GALNT10: variants seen among roughly 807,000 people sequenced by gnomAD.
GALNT10 encodes the protein polypeptide N-acetylgalactosaminyltransferase 10.
In GALNT10, 41 loss-of-function variants were observed where a neutral mutation model predicts 75.0. The observed-to-expected ratio is 0.55, with a 90% CI of 0.43 to 0.71. GALNT10 has a LOEUF of 0.71. Among genes scored for constraint, GALNT10 ranks in the 30% least tolerant of loss-of-function variants. The probability of loss-of-function intolerance (pLI) is 0.00; values close to 1 mark genes in which losing one functional copy is unlikely to be tolerated. For synonymous variants in GALNT10, 302 were observed against 313.0 expected (o/e 0.96, Z 0.37); for missense variants, 727 against 818.5 (o/e 0.89, Z 1.36).
At chr5:154,389,852 G>A (rs1755866787) in intron 7 of GALNT10, among the ~76,000 whole-genome samples, 1 of 151,742 alleles carries the variant, frequency 6.6e-6, no homozygotes, top group African/African-American at 2.4e-5. Flanking sequence ...CTGTATTACT[G>A]TATAGAATCT....
chr5:154,366,604 A>T (rs1019424277), intron 4 of GALNT10, among the ~76,000 whole-genome samples: 13 of 152,282 alleles, frequency 8.5e-5, no homozygotes, highest in Middle Eastern at 3.4e-3. Context: ...GCCCATAGAT[A>T]CCAAAAGCTC....
At chr5:154,290,258 A>ATTTTTTTTTTTTTTT (rs71577131) in intron 1 of GALNT10, among the ~76,000 whole-genome samples, 148 of 98,892 alleles carry the variant, frequency 1.5e-3, no homozygotes, top group Non-Finnish European at 1.9e-3. Context: ...CACTCAGCTA[A>ATTTTTTTTTTTTTTT]TTTTTTTTTT....
At chr5:154,302,131 C>A (rs1435873453) in intron 3 of GALNT10, among the ~76,000 whole-genome samples, 1 of 152,274 alleles carries the variant, frequency 6.6e-6, no homozygotes, top group African/African-American at 2.4e-5. Context: ...GAGCCGCTCA[C>A]TCCATTCAGT....
chr5:154,295,805 T>G (rs1754263844), intron 2 of GALNT10, among the ~76,000 whole-genome samples: 1 of 152,192 alleles, frequency 6.6e-6, no homozygotes, highest in South Asian at 2.1e-4. Flanking sequence ...CCTCAGGATG[T>G]TATTGTGAGG....
intron 1 of GALNT10, among the ~76,000 whole-genome samples, chr5:154,192,526 T>A (rs1327019593): frequency 1.3e-5 from 2 of 152,258 alleles, no homozygotes; most frequent in African/African-American, 2.4e-5. Context: ...ACCACTAACT[T>A]ACTGTGTGTG....
intron 1 of GALNT10, among the ~76,000 whole-genome samples, chr5:154,215,868 T>C (rs1200469219): frequency 6.6e-6 from 1 of 152,244 alleles, no homozygotes; most frequent in Non-Finnish European, 1.5e-5. Context: ...GAAGGAGGAC[T>C]TGGCAGGGCC....
chr5:154,260,805 G>A (rs1476163100), intron 1 of GALNT10, among the ~76,000 whole-genome samples: 3 of 152,138 alleles, frequency 2.0e-5, no homozygotes, highest in African/African-American at 4.8e-5. Flanking sequence ...GCTTCTTCAC[G>A]TGAGTCAATG....
At chr5:154,398,055 A>G (rs1756084035) in intron 7 of GALNT10, among the ~76,000 whole-genome samples, 1 of 152,282 alleles carries the variant, frequency 6.6e-6, no homozygotes, top group South Asian at 2.1e-4. Flanking sequence ...CAAAGCAGCA[A>G]TGAAAATGAA....
At chr5:154,191,907 G>A (rs781367456) in intron 1 of GALNT10, among the ~76,000 whole-genome samples, 27 of 152,316 alleles carry the variant, frequency 1.8e-4, no homozygotes, top group Non-Finnish European at 3.1e-4. Flanking sequence ...ACTTACCCAC[G>A]TATGTTTGTG....
intron 1 of GALNT10, among the ~76,000 whole-genome samples, chr5:154,293,625 C>CTTTTTTTTTTTTTTTTTTTTTT (rs1320287927): frequency 1.3e-4 from 17 of 128,144 alleles, no homozygotes; most frequent in Non-Finnish European, 2.2e-4. Flanking sequence ...TTTTTTTTTC[C>CTTTTTTTTTTTTTTTTTTTTTT]TTTCAGCCAT....
intron 1 of GALNT10, among the ~76,000 whole-genome samples, chr5:154,226,197 A>G (rs1753062502): frequency 6.6e-6 from 1 of 152,192 alleles, no homozygotes; most frequent in African/African-American, 2.4e-5. Flanking sequence ...TTAATTTTTT[A>G]TAGCTAATAC....
chr5:154,324,551 A>C (rs1754726037), intron 3 of GALNT10, among the ~76,000 whole-genome samples: 1 of 152,124 alleles, frequency 6.6e-6, no homozygotes, highest in African/African-American at 2.4e-5. Flanking sequence ...AACAATTTTC[A>C]CCTCAAGATC....
At chr5:154,195,930 G>GA (rs1554093042) in intron 1 of GALNT10, among the ~76,000 whole-genome samples, 1 of 150,318 alleles carries the variant, frequency 6.7e-6, no homozygotes, top group Non-Finnish European at 1.5e-5. Flanking sequence ...TTTTGTTTTT[G>GA]TTTTTTTTTG....
intron 1 of GALNT10, among the ~76,000 whole-genome samples, chr5:154,215,753 G>A (rs1752860888): frequency 6.6e-6 from 1 of 152,196 alleles, no homozygotes; most frequent in Non-Finnish European, 1.5e-5. Context: ...CTGCAGGTAT[G>A]TTAGCCAGTC....
chr5:154,392,360 G>C (rs182409648), intron 7 of GALNT10: 100 of 152,286 alleles, frequency 6.6e-4, no homozygotes, highest in African/African-American at 2.4e-3. Context: ...TTTTCAGTAA[G>C]TGTTAGTGTG....
In GALNT10 at chr5:154,352,789, G is replaced by A. The variant is rs1755229594; in HGVS notation, c.568+23051G>A. Among the ~76,000 whole-genome samples, 1 of 152,210 alleles carries A rather than the reference G, an allele frequency of 6.6e-6. No homozygotes were observed. The highest frequency in any genetic ancestry group is 2.4e-5 in the African/African-American group (1 of 41,456). On this transcript the variant is annotated intron_variant, in intron 4 of 11. Transcript: ENST00000297107. The surrounding 1 kb of genome is among the most constrained non-coding windows in gnomAD (Gnocchi z 4.4). ...GAGCCCTTTAAATTGTGTTAATTGA[G>A]CAAAGCCTTTTGGTTTAAGAAACCT...
intron 1 of GALNT10, among the ~76,000 whole-genome samples, chr5:154,281,265 G>A (rs1754035258): frequency 6.6e-6 from 1 of 151,980 alleles, no homozygotes; most frequent in African/African-American, 2.4e-5. Flanking sequence ...CAGTGTATAG[G>A]TCTTACACAT....
intron 1 of GALNT10, among the ~76,000 whole-genome samples, chr5:154,222,579 C>T (rs940701712): frequency 1.2e-4 from 18 of 152,158 alleles, no homozygotes; most frequent in African/African-American, 3.9e-4. Context: ...GCATTCCCAC[C>T]ATCAGTGTAT....
chr5:154,303,758 T>C (rs1269173651), intron 3 of GALNT10, among the ~76,000 whole-genome samples: 1 of 152,206 alleles, frequency 6.6e-6, no homozygotes, highest in East Asian at 1.9e-4. Context: ...CAAAGCTTGA[T>C]AATACTTACA....
Sources: gnomAD v4.1 joint callset for allele counts (sites outside exome capture counted in the v4.1 genomes callset) on GRCh38, gnomAD v4.1.1 for gene constraint, Gnocchi (gnomAD v3.1) non-coding constraint, MANE v1.5 for transcripts, NCBI Gene and HGNC (gene_info 2026-07-23, HGNC 2026-07-21) for gene names.